The following VSIG1 variants were observed in gnomAD, a reference collection of about 807,000 sequenced individuals.
VSIG1 encodes V-set and immunoglobulin domain-containing protein 1.
Under a neutral mutation model 20.1 loss-of-function variants are expected in VSIG1, and 11 were observed. The observed-to-expected ratio is 0.55, with a 90% CI of 0.34 to 0.91. The LOEUF (loss-of-function observed/expected upper bound fraction) is 0.91, where lower values mean the gene tolerates loss of function less well. VSIG1 is among the 40% of genes least tolerant of loss of function. The pLI is 0.02. For missense variants in VSIG1, 283 were observed against 298.8 expected (o/e 0.95, Z 0.39); for synonymous variants, 126 against 116.7 (o/e 1.08, Z -0.52).
chrX:108,052,445 A>G (rs2030804804), intron 1 of VSIG1, among the ~76,000 whole-genome samples: 1 of 108,124 alleles, frequency 9.2e-6, no homozygotes, highest in African/African-American at 3.4e-5. Flanking sequence ...CCAAAAATAC[A>G]CACACACACA....
At chrX:108,034,253 G>A in the VSIG1 span, among the ~76,000 whole-genome samples, 1 of 111,548 alleles carries the variant, frequency 9.0e-6, no homozygotes, top group Admixed American at 9.5e-5. Flanking sequence ...GAATTCTAAG[G>A]ATTAGAGCAT....
intron 1 of VSIG1, among the ~76,000 whole-genome samples, chrX:108,055,863 T>C (rs1445460519): frequency 2.7e-5 from 3 of 111,834 alleles, no homozygotes; most frequent in Admixed American, 9.5e-5. Flanking sequence ...GCAAGAGAAA[T>C]TAATTCTCTC....
chrX:108,029,380 T>C, the VSIG1 span, among the ~76,000 whole-genome samples: 1 of 111,500 alleles, frequency 9.0e-6, no homozygotes, highest in Non-Finnish European at 1.9e-5. Flanking sequence ...CGAGTTGTAA[T>C]GACATAAGTT....
At chrX:108,059,675 A>G (rs2030981197) in intron 2 of VSIG1, among the ~76,000 whole-genome samples, 1 of 112,281 alleles carries the variant, frequency 8.9e-6, no homozygotes, top group Admixed American at 9.4e-5. Context: ...TGTAGGAGTC[A>G]ACTAAGAAAT....
upstream of VSIG1, among the ~76,000 whole-genome samples, chrX:108,040,558 A>G (rs1366365316): frequency 4.5e-5 from 5 of 111,704 alleles, no homozygotes; most frequent in Non-Finnish European, 9.4e-5. Context: ...ATTTCTAGGG[A>G]CCTAATCTAC....
intron 6 of VSIG1, 79 bp from the exon 7 acceptor site, chrX:108,076,969 A>C: frequency 1.0e-6 from 1 of 970,364 alleles, no homozygotes; most frequent in Non-Finnish European, 1.4e-6. Context: ...CATTGAAGCT[A>C]CAGAACATAT....
intron 1 of VSIG1, among the ~76,000 whole-genome samples, chrX:108,052,097 A>G (rs1396420627): frequency 1.8e-5 from 2 of 111,269 alleles, no homozygotes; most frequent in African/African-American, 6.5e-5. Context: ...ATAATAATGT[A>G]TGTGCATTTC....
chrX:108,056,816 G>A (rs1220911354), intron 1 of VSIG1, among the ~76,000 whole-genome samples: 1 of 112,175 alleles, frequency 8.9e-6, no homozygotes, highest in Admixed American at 9.5e-5. Flanking sequence ...AGTCATTCTG[G>A]AAAACAGCCT....
In VSIG1 at chrX:108,058,048, T is replaced by C. The variant is rs2030941788; in HGVS notation, c.60T>C (p.Ser20=). 2.5e-6 allele frequency: 3 copies of C among 1,207,473 alleles called. No individual in the cohort carries two copies. The highest frequency in any genetic ancestry group is 1.8e-5 in the African/African-American group (1 of 56,975). The change falls in exon 2 of 7, where the codon AGT becomes AGC. Residue 20 remains serine (S), a synonymous_variant. Transcript: ENST00000217957. ...TGATTATCTTTTCAGGTCAGGTTAG[T>C]GTGGTGCAAGTGACCATCCCAGACG... The part of the protein sequence containing the change: ...LILSCLAGQV[S]VVQVTIPDGF...
chrX:108,047,799 T>TATATATACATATATATATAC (rs1555980243), intron 1 of VSIG1, among the ~76,000 whole-genome samples: 4,802 of 68,476 alleles, frequency 0.07, 414 homozygotes, highest in Non-Finnish European at 0.1. Context: ...TCTATATATA[T>TATATATACATATATATATAC]ATATATATAC....
the VSIG1 span, among the ~76,000 whole-genome samples, chrX:108,037,242 A>AACC: frequency 2.7e-5 from 3 of 112,462 alleles, no homozygotes; most frequent in Admixed American, 2.8e-4. Flanking sequence ...AATTATACAA[A>AACC]ACCACAAAAT....
chrX:108,061,916 T>C (rs2031036352), intron 2 of VSIG1, among the ~76,000 whole-genome samples: 1 of 110,604 alleles, frequency 9.0e-6, no homozygotes, highest in African/African-American at 3.3e-5. Context: ...GAGACTGAAG[T>C]ATCCCACAGG....
upstream of VSIG1, among the ~76,000 whole-genome samples, chrX:108,043,595 A>G (rs1444414824): frequency 8.9e-6 from 1 of 111,887 alleles, no homozygotes; most frequent in Non-Finnish European, 1.9e-5. Context: ...CTATGCTAAG[A>G]ATATACTTGG....
At chrX:108,058,449 T>C (rs777312325) in intron 2 of VSIG1, among the ~76,000 whole-genome samples, 2 of 111,746 alleles carry the variant, frequency 1.8e-5, no homozygotes, top group South Asian at 3.8e-4. Context: ...AAGTGGATCA[T>C]GTATTTTAGA....
the VSIG1 span, among the ~76,000 whole-genome samples, chrX:108,036,257 T>C: frequency 2.5e-4 from 27 of 108,163 alleles, 1 homozygote; most frequent in South Asian, 0.011. Flanking sequence ...ACTGCAGTTA[T>C]AGAAATAGAA....
At chrX:108,036,365 G>A in the VSIG1 span, among the ~76,000 whole-genome samples, 1 of 110,536 alleles carries the variant, frequency 9.0e-6, no homozygotes, top group Non-Finnish European at 1.9e-5. Flanking sequence ...GTTGGGGGAA[G>A]TGCAACTGCA....
intron 3 of VSIG1, among the ~76,000 whole-genome samples, chrX:108,068,857 A>T (rs2031184885): frequency 8.9e-6 from 1 of 112,051 alleles, no homozygotes; most frequent in Admixed American, 9.4e-5. Flanking sequence ...CTTACTCTGT[A>T]CTCAGTGACC....
At chrX:108,056,037 C>A (rs1286079995) in intron 1 of VSIG1, among the ~76,000 whole-genome samples, 1 of 111,426 alleles carries the variant, frequency 9.0e-6, no homozygotes, top group East Asian at 2.8e-4. Flanking sequence ...CTTCACAGAG[C>A]CTTTCCCTTT....
intron 2 of VSIG1, among the ~76,000 whole-genome samples, chrX:108,064,463 C>A (rs936975873): frequency 8.9e-6 from 1 of 111,780 alleles, no homozygotes; most frequent in African/African-American, 3.3e-5. Context: ...TTGACTCATG[C>A]CCAACTATGG....
Sources: allele counts gnomAD v4.1 joint callset (sites outside exome capture counted in the v4.1 genomes callset), GRCh38; gene constraint gnomAD v4.1.1; transcripts MANE v1.5; gene names NCBI Gene and HGNC (gene_info 2026-07-23, HGNC 2026-07-21).